The following ERBB4 variants were observed in gnomAD, a reference collection of about 807,000 sequenced individuals.
ERBB4 encodes the protein erb-b2 receptor tyrosine kinase 4.
ERBB4 carries 42 observed loss-of-function variants against 158.0 expected under a neutral mutation model. That is an observed-to-expected ratio of 0.27 (90% CI 0.21 to 0.34). ERBB4 has a LOEUF of 0.34. Among genes scored for constraint, ERBB4 ranks in the 10% least tolerant of loss-of-function variants. ERBB4 has a pLI of 1.00. For missense variants in ERBB4, 1,333 were observed against 1,624.1 expected, an observed-to-expected ratio of 0.82 and a Z score of 3.08; for synonymous variants, 583 against 558.7, an observed-to-expected ratio of 1.04 and a Z score of -0.61.
intron 1 of ERBB4, among the ~76,000 whole-genome samples, chr2:212,189,232 G>A (rs1309669556): frequency 6.6e-6 from 1 of 152,096 alleles, no homozygotes; most frequent in East Asian, 1.9e-4. Context: ...TTCAGATTCT[G>A]CATTTTCAGA....
intron 5 of ERBB4, among the ~76,000 whole-genome samples, chr2:211,732,551 C>G (rs531781185): frequency 2.6e-5 from 4 of 152,242 alleles, no homozygotes; most frequent in Admixed American, 2.6e-4. Context: ...GTATATACCC[C>G]ACATGTAAAA....
At chr2:211,395,682 A>G (rs147167569) in intron 25 of ERBB4, among the ~76,000 whole-genome samples, 9 of 152,166 alleles carry the variant, frequency 5.9e-5, no homozygotes, top group African/African-American at 2.2e-4. Flanking sequence ...GGGATAATTA[A>G]TATGGCCATA....
intron 2 of ERBB4, among the ~76,000 whole-genome samples, chr2:211,964,644 C>T (rs930491639): frequency 6.6e-6 from 1 of 152,218 alleles, no homozygotes; most frequent in East Asian, 1.9e-4. Context: ...TCTCTACTAG[C>T]TGACACACAG....
At chr2:211,864,690 G>T (rs1395510531) in intron 3 of ERBB4, among the ~76,000 whole-genome samples, 1 of 152,160 alleles carries the variant, frequency 6.6e-6, no homozygotes, top group Non-Finnish European at 1.5e-5. Flanking sequence ...AACTGGCCAG[G>T]TGTGGTGGCT....
intron 2 of ERBB4, among the ~76,000 whole-genome samples, chr2:212,073,152 T>C (rs1339943535): frequency 6.6e-6 from 1 of 151,822 alleles, no homozygotes; most frequent in Non-Finnish European, 1.5e-5. Flanking sequence ...GACATCAGTA[T>C]TAGAAAAGCT....
At chr2:212,199,721 A>G (rs1023861940) in intron 1 of ERBB4, among the ~76,000 whole-genome samples, 4 of 152,156 alleles carry the variant, frequency 2.6e-5, no homozygotes, top group Admixed American at 6.6e-5. Flanking sequence ...TATTCACCAG[A>G]ATCATTAAAT....
intron 1 of ERBB4, among the ~76,000 whole-genome samples, chr2:212,463,735 A>T (rs2371576): frequency 0.43 from 65,865 of 151,498 alleles, 14,846 homozygotes; most frequent in African/African-American, 0.54. Context: ...TTTGTGTGTA[A>T]CCCCAGCCAG....
intron 1 of ERBB4, among the ~76,000 whole-genome samples, chr2:212,136,901 G>A (rs1205856591): frequency 1.3e-5 from 2 of 152,162 alleles, no homozygotes; most frequent in East Asian, 1.9e-4. Flanking sequence ...CTTCTAACAA[G>A]TTTTCGGGGA....
At chr2:212,210,932 A>G (rs2082914707) in intron 1 of ERBB4, among the ~76,000 whole-genome samples, 1 of 151,924 alleles carries the variant, frequency 6.6e-6, no homozygotes, top group Non-Finnish European at 1.5e-5. Flanking sequence ...TCTCTCTCTC[A>G]TGCTCAAACC....
intron 5 of ERBB4, among the ~76,000 whole-genome samples, chr2:211,725,824 AAAGGAAGG>A (rs56406991): frequency 6.6e-6 from 1 of 150,500 alleles, no homozygotes; most frequent in African/African-American, 2.4e-5. Flanking sequence ...ACGAGGAAAG[AAAGGAAGG>A]AAGGAAGGAA....
intron 6 of ERBB4, among the ~76,000 whole-genome samples, chr2:211,723,894 G>A (rs181654338): frequency 1.3e-3 from 198 of 152,254 alleles, no homozygotes; most frequent in African/African-American, 4.7e-3. Context: ...AGCCAAAGTG[G>A]AATCATTAGA....
At chr2:211,773,910 T>G (rs2075805980) in intron 4 of ERBB4, among the ~76,000 whole-genome samples, 1 of 151,620 alleles carries the variant, frequency 6.6e-6, no homozygotes, top group African/African-American at 2.4e-5. Context: ...GATCCAACAT[T>G]GAGGTTGTAA....
At chr2:212,044,030 TA>T (rs1421994086) in intron 2 of ERBB4, among the ~76,000 whole-genome samples, 1 of 152,136 alleles carries the variant, frequency 6.6e-6, no homozygotes, top group African/African-American at 2.4e-5. Context: ...TAGTTTCTCA[TA>T]AAATATTTGA....
chr2:211,877,166 T>A (rs564479793), intron 3 of ERBB4, among the ~76,000 whole-genome samples: 1 of 152,304 alleles, frequency 6.6e-6, no homozygotes, highest in Admixed American at 6.5e-5. Flanking sequence ...AGAAAAGGTA[T>A]ATGTATTTTA....
chr2:211,594,541 T>C (rs1393316195), intron 19 of ERBB4, among the ~76,000 whole-genome samples: 1 of 152,186 alleles, frequency 6.6e-6, no homozygotes. Context: ...ATGGAATGTT[T>C]ATTTGATGCC....
intron 3 of ERBB4, among the ~76,000 whole-genome samples, chr2:211,862,603 A>G (rs2078089355): frequency 2.1e-5 from 2 of 94,606 alleles, no homozygotes; most frequent in Non-Finnish European, 4.8e-5. Flanking sequence ...TTTGTGAAAT[A>G]AAAAAGGAAC....
chr2:212,508,716 T>C (rs953073831), intron 1 of ERBB4, among the ~76,000 whole-genome samples: 1 of 152,138 alleles, frequency 6.6e-6, no homozygotes, highest in African/African-American at 2.4e-5. Flanking sequence ...ATTATCCTAA[T>C]TTCAGCATTC....
chr2:212,480,605 G>T (rs1476189532), intron 1 of ERBB4, among the ~76,000 whole-genome samples: 1 of 152,182 alleles, frequency 6.6e-6, no homozygotes, highest in Non-Finnish European at 1.5e-5. Flanking sequence ...TCATGTCTGT[G>T]AATTGAATTG....
At chr2:212,481,163 A>G (rs890831080) in intron 1 of ERBB4, among the ~76,000 whole-genome samples, 11 of 148,114 alleles carry the variant, frequency 7.4e-5, no homozygotes, top group African/African-American at 2.7e-4. Flanking sequence ...ATATCTGTAA[A>G]TTACATACAA....
Sources: gnomAD v4.1 joint callset for allele counts (sites outside exome capture counted in the v4.1 genomes callset) on GRCh38, gnomAD v4.1.1 for gene constraint, MANE v1.5 for transcripts, NCBI Gene and HGNC (gene_info 2026-07-23, HGNC 2026-07-21) for gene names.